The following ETNK1 variants were observed in gnomAD, a reference collection of about 807,000 sequenced individuals.
ETNK1 encodes ethanolamine kinase 1, also known as putative protein product of Nbla10396.
A neutral mutation model predicts 45.1 loss-of-function variants in ETNK1; 8 were observed. The ratio of observed to expected loss-of-function variants is 0.18; its 90% CI spans 0.10 to 0.32. The LOEUF is 0.32. Ranked by LOEUF, ETNK1 falls within the 10% of genes least tolerant of loss-of-function variation. The pLI, the probability that ETNK1 is intolerant of heterozygous loss-of-function variation, is 1.00. For missense variants in ETNK1, 302 were observed against 430.6 expected (o/e 0.70, Z 2.64); for synonymous variants, 152 against 151.9 (o/e 1.00, Z -0.01).
chr12:22,656,066 A>G (rs1433563379), intron 2 of ETNK1, among the ~76,000 whole-genome samples: 1 of 152,228 alleles, frequency 6.6e-6, no homozygotes, highest in African/African-American at 2.4e-5. Context: ...ATTGATGTTC[A>G]ACAAATTTCA....
rs184027698 is a variant in ETNK1 at position 22,685,672 on chromosome 12, G to A, written c.*718G>A. 6.6e-6 allele frequency: 1 copy of A among 151,864 alleles called. No individual in the cohort carries two copies. Among genetic ancestry groups the A allele is most frequent in the Non-Finnish European group, 1.5e-5 (1 of 67,766 alleles). The allele number at this position is 151,864 out of a possible 1,614,324, so 9.4% of individuals were successfully genotyped here. A position where few individuals can be genotyped will look rare whatever the true frequency, so the allele number is the denominator to read the frequency against. On this transcript the variant is annotated 3_prime_UTR_variant, in exon 8 of 8. Coordinates refer to ENST00000266517, the MANE Select transcript of ETNK1 (RefSeq NM_018638.5). ...AATCTTGGAATAAGTATTAGTTAAT[G>A]TTACCAAAATCTGTATTAAATAATG... is the stretch of plus-strand genomic sequence containing the variant.
intron 1 of ETNK1, among the ~76,000 whole-genome samples, chr12:22,630,012 C>G (rs531856995): frequency 2.0e-5 from 3 of 152,292 alleles, no homozygotes; most frequent in East Asian, 1.9e-4. Context: ...AGACAGGAGC[C>G]TAAAGTGCTA....
intron 1 of ETNK1, 23 bp downstream of exon 1, chr12:22,625,609 G>T: frequency 1.3e-6 from 2 of 1,553,588 alleles, no homozygotes; most frequent in Non-Finnish European, 1.7e-6. Flanking sequence ...CCTCAGCTCT[G>T]GGTCTCTTAT....
chr12:22,649,682 G>C (rs60757157), intron 2 of ETNK1, among the ~76,000 whole-genome samples: 8,013 of 152,078 alleles, frequency 0.053, 699 homozygotes, highest in African/African-American at 0.18. Context: ...TCAATATTGT[G>C]TTGGCTATTC....
At chr12:22,642,098 G>T (rs73080480) in intron 1 of ETNK1, among the ~76,000 whole-genome samples, 10,479 of 152,128 alleles carry the variant, frequency 0.069, 454 homozygotes, top group South Asian at 0.14. Context: ...TAAGTATTAA[G>T]TACCTACTGT....
At position 22,625,338 on chromosome 12, in the gene ETNK1, G is replaced by A. The variant is rs576246525; in HGVS notation, c.-93G>A. The stretch of plus-strand genomic sequence containing the variant: ...CCCAGCCCTCCCGCGAGGGCGCCCC[G>A]GGACGGAAGGATCCACCAGTCTGTC... On this transcript the variant is annotated 5_prime_UTR_variant, in exon 1 of 8. Transcript: ENST00000266517. The A allele has an allele frequency of 6.3e-7, 1 of 1,581,554 alleles. No individual in the cohort carries two copies. The highest frequency in any genetic ancestry group is 1.3e-5 in the African/African-American group (1 of 74,586).
intron 1 of ETNK1, among the ~76,000 whole-genome samples, chr12:22,633,775 G>A (rs553737974): frequency 6.6e-6 from 1 of 152,128 alleles, no homozygotes; most frequent in East Asian, 1.9e-4. Flanking sequence ...TGATATTATT[G>A]TAAAGGGTAT....
intron 2 of ETNK1, among the ~76,000 whole-genome samples, chr12:22,646,841 G>A (rs555050548): frequency 6.6e-6 from 1 of 151,950 alleles, no homozygotes. Context: ...TGCTGTCTTA[G>A]TAATTTACAG....
At chr12:22,684,648 A>T in intron 7 of ETNK1, 92 bp downstream of exon 7, 3 of 952,576 alleles carry the variant, frequency 3.1e-6, no homozygotes, top group South Asian at 3.0e-5. Context: ...GTTATTTGCA[A>T]TCAATTATAA....
Position 22,673,635 on chromosome 12 carries a change from T to G in ETNK1, c.920T>G (p.Phe307Cys). The change falls in exon 6 of 8, where the codon TTC becomes TGC. Residue 307 changes from phenylalanine (F) to cysteine (C), a missense_variant. Transcript: ENST00000266517. ...EVTEKEVEIL[F>C]IQVNQFALAS... The stretch of plus-strand genomic sequence containing the variant: ...ACTGAAAAGGAGGTAGAAATACTCT[T>G]CATTCAAGTCAATCAGTTTGCATTG... 1 of 1,613,636 alleles carries G rather than the reference T, an allele frequency of 6.2e-7. No individual in the cohort carries two copies. Among genetic ancestry groups the G allele is most frequent in the Non-Finnish European group, 8.5e-7 (1 of 1,179,774 alleles).
chr12:22,632,041 G>C (rs1469656631), intron 1 of ETNK1, among the ~76,000 whole-genome samples: 3 of 150,788 alleles, frequency 2.0e-5, no homozygotes, highest in Non-Finnish European at 4.4e-5. Flanking sequence ...TCATAGTCTT[G>C]ATCTCTCCCT....
chr12:22,639,137 G>T (rs1953696243), intron 1 of ETNK1, among the ~76,000 whole-genome samples: 1 of 152,052 alleles, frequency 6.6e-6, no homozygotes, highest in Non-Finnish European at 1.5e-5. Flanking sequence ...TATTGGTGGG[G>T]CGTTTGTGTA....
chr12:22,630,232 C>T (rs1953557382), intron 1 of ETNK1, among the ~76,000 whole-genome samples: 1 of 152,170 alleles, frequency 6.6e-6, no homozygotes, highest in Admixed American at 6.5e-5. Context: ...AATTACGCAT[C>T]GCATGTTTTG....
At chr12:22,678,214 G>A (rs953091646) in intron 6 of ETNK1, among the ~76,000 whole-genome samples, 6 of 152,164 alleles carry the variant, frequency 3.9e-5, no homozygotes, top group Non-Finnish European at 7.4e-5. Flanking sequence ...TGATTGCAAT[G>A]TGAAATAAAA....
chr12:22,682,397 T>C, intron 6 of ETNK1: 1 of 329,702 alleles, frequency 3.0e-6, no homozygotes, highest in East Asian at 9.7e-5. Flanking sequence ...GTCTGATAAC[T>C]CTAGTTTGAT....
chr12:22,639,988 T>C (rs1953713964), intron 1 of ETNK1, among the ~76,000 whole-genome samples: 1 of 152,202 alleles, frequency 6.6e-6, no homozygotes, highest in Admixed American at 6.5e-5. Context: ...GTAGAAAATG[T>C]AGGATAAATG....
chr12:22,629,365 A>G (rs1281115335), intron 1 of ETNK1, among the ~76,000 whole-genome samples: 1 of 152,142 alleles, frequency 6.6e-6, no homozygotes, highest in African/African-American at 2.4e-5. Flanking sequence ...ATTTTAAAAA[A>G]TCTTTTCATC....
intron 2 of ETNK1, among the ~76,000 whole-genome samples, chr12:22,649,977 T>C (rs1953854115): frequency 6.6e-6 from 1 of 152,110 alleles, no homozygotes; most frequent in African/African-American, 2.4e-5. Flanking sequence ...GTTTCTTTTA[T>C]CAGAGTTTTA....
chr12:22,667,903 C>T (rs1954069655), intron 4 of ETNK1, among the ~76,000 whole-genome samples: 1 of 151,998 alleles, frequency 6.6e-6, no homozygotes, highest in South Asian at 2.1e-4. Context: ...ACAGTTTAAC[C>T]AGTAGTGTCG....
Sources: gnomAD v4.1 joint callset for allele counts (sites outside exome capture counted in the v4.1 genomes callset) on GRCh38, gnomAD v4.1.1 for gene constraint, MANE v1.5 for transcripts, NCBI Gene and HGNC (gene_info 2026-07-23, HGNC 2026-07-21) for gene names.